The following CNN3 variants were observed in gnomAD, a reference collection of about 807,000 sequenced individuals.
CNN3 encodes calponin-3.
CNN3 carries 11 observed loss-of-function variants against 39.0 expected under a neutral mutation model. That is an observed-to-expected ratio of 0.28 (90% CI 0.18 to 0.47). The LOEUF is 0.47. Ranked by LOEUF, CNN3 falls within the 20% of genes least tolerant of loss-of-function variation. The pLI is 0.99. For synonymous variants in CNN3, 101 were observed against 138.3 expected, an observed-to-expected ratio of 0.73 and a Z score of 1.89; for missense variants, 266 against 403.4, an observed-to-expected ratio of 0.66 and a Z score of 2.92.
intron 1 of CNN3, among the ~76,000 whole-genome samples, chr1:94,923,635 G>A (rs138268525): frequency 6.6e-6 from 1 of 152,008 alleles, no homozygotes; most frequent in East Asian, 1.9e-4. Context: ...ACTGATTAAA[G>A]TATTTAAAAT....
At chr1:94,925,817 C>A in intron 1 of CNN3, 1 of 985,420 alleles carries the variant, frequency 1.0e-6, no homozygotes, top group Non-Finnish European at 1.2e-6. Flanking sequence ...TTGGCCAGAA[C>A]AGCAGAAAGG....
intron 1 of CNN3, among the ~76,000 whole-genome samples, chr1:94,903,770 G>GA (rs1365544853): frequency 6.6e-6 from 1 of 152,142 alleles, no homozygotes; most frequent in African/African-American, 2.4e-5. Flanking sequence ...GACAAGGAGA[G>GA]AACATCAATC....
At chr1:94,905,086 T>C (rs1343954520) in intron 1 of CNN3, among the ~76,000 whole-genome samples, 2 of 152,028 alleles carry the variant, frequency 1.3e-5, no homozygotes, top group African/African-American at 4.8e-5. Flanking sequence ...TGCCAGAGCA[T>C]ATAGGACTGT....
chr1:94,914,517 C>T (rs919770547), intron 1 of CNN3, among the ~76,000 whole-genome samples: 1 of 152,136 alleles, frequency 6.6e-6, no homozygotes, highest in Admixed American at 6.5e-5. Context: ...AAAACTGAGT[C>T]GAAACACCAC....
At chr1:94,912,748 C>T (rs1425192574) in intron 1 of CNN3, among the ~76,000 whole-genome samples, 1 of 152,244 alleles carries the variant, frequency 6.6e-6, no homozygotes, top group Non-Finnish European at 1.5e-5. Flanking sequence ...AAGGCATCTG[C>T]ATTTGAATGT....
At chr1:94,900,271 A>T (rs901033538) in intron 5 of CNN3, among the ~76,000 whole-genome samples, 1 of 152,212 alleles carries the variant, frequency 6.6e-6, no homozygotes, top group Non-Finnish European at 1.5e-5. Flanking sequence ...GAAAATTCAG[A>T]AAACACATAT....
chr1:94,918,179 A>T (rs186235675), intron 1 of CNN3, among the ~76,000 whole-genome samples: 5 of 152,274 alleles, frequency 3.3e-5, no homozygotes, highest in Admixed American at 3.3e-4. Context: ...ATGCACATGA[A>T]TATATTGCCC....
At chr1:94,899,563 A>G (rs1380650868) in intron 5 of CNN3, 46 bp from the exon 6 acceptor site, 2 of 1,587,442 alleles carry the variant, frequency 1.3e-6, no homozygotes, top group Admixed American at 1.8e-5. Flanking sequence ...GATGTCAACA[A>G]TATACACAAC....
chr1:94,921,180 A>G (rs939917925), intron 1 of CNN3, among the ~76,000 whole-genome samples: 6 of 152,176 alleles, frequency 3.9e-5, no homozygotes, highest in African/African-American at 1.2e-4. Context: ...TTATCACTTG[A>G]GGTCAGGCGT....
chr1:94,898,363 C>A (rs2101714294), intron 6 of CNN3, among the ~76,000 whole-genome samples: 1 of 152,240 alleles, frequency 6.6e-6, no homozygotes, highest in Admixed American at 6.5e-5. Context: ...CTTTAGGTTT[C>A]TCAAACTGCA....
At chr1:94,907,477 TTCTC>T (rs1671033181) in intron 1 of CNN3, among the ~76,000 whole-genome samples, 1 of 152,204 alleles carries the variant, frequency 6.6e-6, no homozygotes, top group Non-Finnish European at 1.5e-5. Context: ...GACATTTTCT[TTCTC>T]TCAACAAAAG....
chr1:94,911,947 C>T (rs941668905), intron 1 of CNN3, among the ~76,000 whole-genome samples: 5 of 151,766 alleles, frequency 3.3e-5, no homozygotes, highest in African/African-American at 4.8e-5. Flanking sequence ...ACATCTGTAG[C>T]GCCTGTAATC....
At chr1:94,916,645 T>C (rs1177583145) in intron 1 of CNN3, among the ~76,000 whole-genome samples, 2 of 152,220 alleles carry the variant, frequency 1.3e-5, no homozygotes, top group Non-Finnish European at 2.9e-5. Flanking sequence ...TCTTGAAAGA[T>C]GTCAATTCTC....
chr1:94,915,124 T>C (rs546878989), intron 1 of CNN3, among the ~76,000 whole-genome samples: 1 of 152,212 alleles, frequency 6.6e-6, no homozygotes, highest in East Asian at 1.9e-4. Context: ...TTAAAAATAT[T>C]CATACTGTGC....
At chr1:94,910,116 G>A (rs755332941) in intron 1 of CNN3, among the ~76,000 whole-genome samples, 33 of 152,248 alleles carry the variant, frequency 2.2e-4, no homozygotes, top group African/African-American at 6.3e-4. Flanking sequence ...GTGGCTCCCC[G>A]TTTTGAGCCA....
At chr1:94,917,132 G>T (rs1163431443) in intron 1 of CNN3, among the ~76,000 whole-genome samples, 1 of 152,172 alleles carries the variant, frequency 6.6e-6, no homozygotes, top group Non-Finnish European at 1.5e-5. Flanking sequence ...TGCCTCCCAG[G>T]TTCAAGTGAT....
At chr1:94,925,498 A>G (rs1671551718) in intron 1 of CNN3, 1 of 605,520 alleles carries the variant, frequency 1.7e-6, no homozygotes, top group Non-Finnish European at 2.1e-6. Context: ...AAGGTAAAGG[A>G]CCTAAACATT....
At position 94,897,486 on chromosome 1, in the gene CNN3, C is replaced by G. The variant is rs954087790; in HGVS notation, c.*256G>C. The G allele has an allele frequency of 2.5e-6, 1 of 396,628 alleles. No individual in the cohort carries two copies. Among genetic ancestry groups the G allele is most frequent in the Non-Finnish European group, 4.5e-6 (1 of 220,580 alleles). The allele number at this position is 396,628 out of a possible 1,614,324, so 24.6% of individuals were successfully genotyped here. On this transcript the variant is annotated 3_prime_UTR_variant, in exon 7 of 7. Transcript: ENST00000370206. The stretch of plus-strand genomic sequence containing the variant: ...AGAACTGGCTGTACAAGAGTACTCC[C>G]CTTTCACAGTATTCCTTTTTACTTC...
intron 5 of CNN3, among the ~76,000 whole-genome samples, chr1:94,900,778 C>A (rs1439003281): frequency 6.6e-6 from 1 of 152,180 alleles, no homozygotes; most frequent in Non-Finnish European, 1.5e-5. Context: ...AGGAAAACAT[C>A]TGAACTACGT....
Sources: gnomAD v4.1 joint callset for allele counts (sites outside exome capture counted in the v4.1 genomes callset) on GRCh38, gnomAD v4.1.1 for gene constraint, MANE v1.5 for transcripts, NCBI Gene and HGNC (gene_info 2026-07-23, HGNC 2026-07-21) for gene names.